KIF16B: variants seen among roughly 807,000 people sequenced by gnomAD.
KIF16B encodes the protein kinesin-like protein KIF16B.
A neutral mutation model predicts 156.3 loss-of-function variants in KIF16B; 98 were observed. The observed-to-expected ratio is 0.63, with a 90% CI of 0.53 to 0.74. KIF16B has a LOEUF of 0.74. Ranked by LOEUF, KIF16B falls within the 30% of genes least tolerant of loss-of-function variation. KIF16B has a pLI of 0.00. For synonymous variants in KIF16B, 564 were observed against 583.7 expected (o/e 0.97, Z 0.49); for missense variants, 1,421 against 1,606.5 (o/e 0.88, Z 1.97).
At chr20:16,437,179 C>T (rs1392478228) in intron 12 of KIF16B, among the ~76,000 whole-genome samples, 5 of 152,190 alleles carry the variant, frequency 3.3e-5, no homozygotes, top group South Asian at 2.1e-4. Flanking sequence ...GCAGAACCAT[C>T]ATAGGTCTAA....
intron 24 of KIF16B, among the ~76,000 whole-genome samples, chr20:16,329,163 G>A (rs981638685): frequency 2.6e-5 from 4 of 152,154 alleles, no homozygotes; most frequent in Admixed American, 6.5e-5. Context: ...CAAAAAGCTA[G>A]GGGGATACTA....
At chr20:16,437,464 G>T (rs1158196309) in intron 12 of KIF16B, among the ~76,000 whole-genome samples, 3 of 152,190 alleles carry the variant, frequency 2.0e-5, no homozygotes, top group African/African-American at 7.2e-5. Context: ...AATCTGGCAG[G>T]ATGTATAGGG....
intron 23 of KIF16B, among the ~76,000 whole-genome samples, chr20:16,342,714 G>A (rs761296972): frequency 5.3e-5 from 8 of 152,348 alleles, no homozygotes; most frequent in African/African-American, 1.9e-4. Flanking sequence ...ATATGGGGAT[G>A]AGCAAGGCTC....
chr20:16,432,567 TG>T (rs1197712372), intron 12 of KIF16B, among the ~76,000 whole-genome samples: 1 of 152,126 alleles, frequency 6.6e-6, no homozygotes, highest in Admixed American at 6.5e-5. Context: ...CTCAAGCTAG[TG>T]TAAGACCATT....
At chr20:16,499,859 A>G (rs1486924225) in intron 10 of KIF16B, among the ~76,000 whole-genome samples, 1 of 152,240 alleles carries the variant, frequency 6.6e-6, no homozygotes, top group Non-Finnish European at 1.5e-5. Flanking sequence ...TGGTAAAAGT[A>G]CCATTTTCAA....
chr20:16,410,571 T>A (rs1304446928), intron 15 of KIF16B, among the ~76,000 whole-genome samples: 2 of 152,074 alleles, frequency 1.3e-5, no homozygotes, highest in African/African-American at 4.8e-5. Context: ...AGTAACTTTA[T>A]ACAATATTTT....
intron 25 of KIF16B, among the ~76,000 whole-genome samples, chr20:16,308,533 T>C (rs1039463910): frequency 4.6e-5 from 7 of 152,372 alleles, no homozygotes; most frequent in Non-Finnish European, 7.3e-5. Context: ...CAACTGAGTA[T>C]GAACTGTGGC....
At chr20:16,391,781 C>A (rs942442875) in intron 17 of KIF16B, among the ~76,000 whole-genome samples, 1 of 152,174 alleles carries the variant, frequency 6.6e-6, no homozygotes, top group Non-Finnish European at 1.5e-5. Context: ...CACTCAGGGC[C>A]TTTCAGGTCA....
intron 15 of KIF16B, among the ~76,000 whole-genome samples, chr20:16,409,929 C>G (rs1314087648): frequency 7.6e-6 from 1 of 132,244 alleles, no homozygotes; most frequent in Non-Finnish European, 1.6e-5. Flanking sequence ...GTCGATCTAC[C>G]TTCCTACCCA....
chr20:16,365,984 C>G (rs2064655883), intron 22 of KIF16B, among the ~76,000 whole-genome samples: 1 of 152,070 alleles, frequency 6.6e-6, no homozygotes. Context: ...GAACACACAC[C>G]TGAGAGGGGA....
chr20:16,304,512 G>A (rs946344438), intron 25 of KIF16B, among the ~76,000 whole-genome samples: 1 of 152,084 alleles, frequency 6.6e-6, no homozygotes, highest in Non-Finnish European at 1.5e-5. Context: ...GATGATAGTG[G>A]TAATGGACTA....
chr20:16,497,756 AT>A (rs2068495398), intron 10 of KIF16B, 78 bp from the exon 11 acceptor site: 7 of 1,095,334 alleles, frequency 6.4e-6, no homozygotes, highest in Non-Finnish European at 9.5e-6. Flanking sequence ...ATAGTAAATT[AT>A]CCAAAATTTC....
At chr20:16,478,577 G>A (rs987551137) in intron 12 of KIF16B, among the ~76,000 whole-genome samples, 3 of 151,930 alleles carry the variant, frequency 2.0e-5, no homozygotes, top group African/African-American at 4.8e-5. Flanking sequence ...TCACCTTCTC[G>A]CCCAGGACAC....
chr20:16,509,917 G>A (rs771064702), intron 6 of KIF16B, among the ~76,000 whole-genome samples: 15 of 151,982 alleles, frequency 9.9e-5, no homozygotes, highest in Middle Eastern at 3.4e-3. Flanking sequence ...CCAGGTTTCC[G>A]GGAAAAAAAT....
At chr20:16,435,711 T>G (rs1425223536) in intron 12 of KIF16B, among the ~76,000 whole-genome samples, 1 of 152,228 alleles carries the variant, frequency 6.6e-6, no homozygotes, top group Non-Finnish European at 1.5e-5. Context: ...TTCTGATTGC[T>G]TTACTATCTT....
intron 5 of KIF16B, 82 bp downstream of exon 5, chr20:16,512,744 C>A: frequency 1.2e-6 from 1 of 860,388 alleles, no homozygotes; most frequent in Non-Finnish European, 1.9e-6. Context: ...AAGACCTTAT[C>A]CATTTCCAGC....
chr20:16,290,462 G>A lies in KIF16B; in HGVS notation c.3796-17051C>T, dbSNP rs371204099. On this transcript the variant is annotated intron_variant, in intron 25 of 25. Transcript: ENST00000354981. ...CGGTTAAAATTCAGCTGGCCTTGGC[G>A]GGCTGTCTGAATAATACTGAGTCTC... Among the ~76,000 whole-genome samples the A allele has an allele frequency of 9.5e-4, 145 of 152,298 alleles. 4 individuals are homozygous for A. The South Asian group carries it at 0.015, about 16-fold the overall frequency.
At chr20:16,422,255 C>A (rs1476052933) in intron 15 of KIF16B, among the ~76,000 whole-genome samples, 3 of 151,974 alleles carry the variant, frequency 2.0e-5, no homozygotes, top group African/African-American at 7.3e-5. Context: ...GAAGGATAAC[C>A]CCAAAATTAA....
chr20:16,366,102 G>T (rs572633242), intron 22 of KIF16B, among the ~76,000 whole-genome samples: 7 of 152,112 alleles, frequency 4.6e-5, no homozygotes, highest in Non-Finnish European at 1.0e-4. Context: ...GGGTTGATCA[G>T]AGGAGCTAGA....
Sources: allele counts gnomAD v4.1 joint callset (sites outside exome capture counted in the v4.1 genomes callset), GRCh38; gene constraint gnomAD v4.1.1; transcripts MANE v1.5; gene names NCBI Gene and HGNC (gene_info 2026-07-23, HGNC 2026-07-21).